The following COLGALT1 variants were observed in gnomAD, a reference collection of about 807,000 sequenced individuals.
COLGALT1 encodes the protein procollagen galactosyltransferase 1.
In COLGALT1, 43 loss-of-function variants were observed where a neutral mutation model predicts 60.8. The observed-to-expected ratio is 0.71, with a 90% CI of 0.55 to 0.91. The LOEUF (loss-of-function observed/expected upper bound fraction) is 0.91, where lower values mean the gene tolerates loss of function less well. Among genes scored for constraint, COLGALT1 ranks in the 40% least tolerant of loss-of-function variants. COLGALT1 has a pLI of 0.00. For missense variants in COLGALT1, 845 were observed against 880.0 expected, an observed-to-expected ratio of 0.96 and a Z score of 0.50; for synonymous variants, 369 against 374.2, an observed-to-expected ratio of 0.99 and a Z score of 0.16.
chr19:17,568,444 C>T, intron 4 of COLGALT1, 65 bp from the exon 5 acceptor site: 1 of 1,397,096 alleles, frequency 7.2e-7, no homozygotes, highest in South Asian at 1.2e-5. Flanking sequence ...ATGCCGCCCA[C>T]TATCACGGGT....
chr19:17,577,867 C>T, intron 8 of COLGALT1, 90 bp from the exon 9 acceptor site: 2 of 1,513,952 alleles, frequency 1.3e-6, no homozygotes, highest in Admixed American at 3.9e-5. Flanking sequence ...ACCAGCTGCT[C>T]AACGCCGCAG....
intron 6 of COLGALT1, among the ~76,000 whole-genome samples, chr19:17,576,473 G>T (rs1039890406): frequency 6.6e-6 from 1 of 152,026 alleles, no homozygotes; most frequent in East Asian, 1.9e-4. Flanking sequence ...GTGGGGCTGG[G>T]GGGTAGAGTG....
chr19:17,557,187 T>G (rs946466162), intron 1 of COLGALT1, among the ~76,000 whole-genome samples: 1 of 152,218 alleles, frequency 6.6e-6, no homozygotes, highest in Non-Finnish European at 1.5e-5. Context: ...AAATACACAA[T>G]TGGTACTTAA....
At chr19:17,570,055 C>T (rs930272032) in intron 5 of COLGALT1, among the ~76,000 whole-genome samples, 2 of 151,998 alleles carry the variant, frequency 1.3e-5, no homozygotes, top group South Asian at 2.1e-4. Flanking sequence ...CCACCAGGCC[C>T]GGCTAATTTT....
chr19:17,566,457 C>A (rs190024701), intron 3 of COLGALT1, among the ~76,000 whole-genome samples: 3 of 152,096 alleles, frequency 2.0e-5, no homozygotes, highest in African/African-American at 7.2e-5. Context: ...ACGTCCGGAC[C>A]TAATCATTTT....
At chr19:17,564,296 T>C (rs1406558944) in intron 3 of COLGALT1, among the ~76,000 whole-genome samples, 2 of 120,326 alleles carry the variant, frequency 1.7e-5, no homozygotes, top group Non-Finnish European at 3.8e-5. Flanking sequence ...CGTGTGTGTA[T>C]ACATATATAC....
At chr19:17,563,560 A>G (rs2076261840) in intron 3 of COLGALT1, among the ~76,000 whole-genome samples, 2 of 152,160 alleles carry the variant, frequency 1.3e-5, no homozygotes, top group Admixed American at 1.3e-4. Context: ...CGTGTTGGCC[A>G]GCATGGTCTC....
intron 3 of COLGALT1, 91 bp downstream of exon 3, chr19:17,560,556 A>G: frequency 9.6e-7 from 1 of 1,044,514 alleles, no homozygotes; most frequent in Non-Finnish European, 1.5e-6. Context: ...ACCATCCTTA[A>G]TGTTGTTTTG....
At chr19:17,567,571 T>TG in intron 4 of COLGALT1, 31 bp downstream of exon 4, 1 of 1,604,242 alleles carries the variant, frequency 6.2e-7, no homozygotes, top group Non-Finnish European at 8.5e-7. Context: ...CTGTGGGGAC[T>TG]GGGCTGAGCA....
rs10402189 is a variant in COLGALT1, at chr19:17,581,843, T to G, written c.*399T>G. The G allele has an allele frequency of 0.037, 7,495 of 204,802 alleles. 553 individuals carry two copies. The highest frequency in any genetic ancestry group is 0.16 in the African/African-American group (6,803 of 43,506). 12.7% of individuals were successfully genotyped at this position (204,802 alleles called of 1,614,324 possible). On this transcript the variant is annotated 3_prime_UTR_variant, in exon 12 of 12. Transcript: ENST00000252599. ...TCAGGCACTAGTGATACACATTCATTTTTAAAATTCATTCAAGGATTTATT... is the reference window on the plus strand; with the variant it reads ...TCAGGCACTAGTGATACACATTCATGTTTAAAATTCATTCAAGGATTTATT...
rs568261637 is a variant in COLGALT1, at chr19:17,581,311, A to G, written c.1736A>G (p.Asn579Ser). The G allele has an allele frequency of 5.3e-5, 85 of 1,613,402 alleles. 2 individuals are homozygous for G. The South Asian group carries it at 8.5e-4, about 16-fold the overall frequency. The part of the protein sequence containing the change: ...SDTETSVVWN[N>S]EHVKTDWDRA... ...ACCGAGACCTCAGTCGTATGGAACA[A>G]TGAGCACGTCAAGACCGACTGGGAC... The change falls in exon 12 of 12, where the codon AAT becomes AGT. Residue 579 changes from asparagine (N) to serine (S), a missense_variant. Transcript: ENST00000252599.
intron 1 of COLGALT1, among the ~76,000 whole-genome samples, chr19:17,557,956 A>G (rs766551451): frequency 1.6e-4 from 25 of 151,576 alleles, no homozygotes; most frequent in South Asian, 2.1e-4. Flanking sequence ...TTATTTTTTG[A>G]GACTGAGTCT....
In COLGALT1 at chr19:17,555,942, C is replaced by T; in HGVS notation, c.229C>T (p.Leu77=). The T allele has an allele frequency of 2.2e-6, 3 of 1,389,216 alleles. No homozygotes were observed. The highest frequency in any genetic ancestry group is 1.5e-5 in the South Asian group (1 of 66,966). 86.1% of individuals were successfully genotyped at this position (1,389,216 alleles called of 1,614,324 possible). A position where few individuals can be genotyped will look rare whatever the true frequency, so the allele number is the denominator to read the frequency against. Residue 77 remains leucine, a synonymous_variant, in exon 1 of 12, where the codon CTG becomes TTG. Coordinates refer to ENST00000252599, the MANE Select transcript of COLGALT1 (RefSeq NM_024656.4). ...LPTTLGALER[L]RHPRERTALW... is the part of the protein sequence containing the mutation. Reference sequence around the variant, plus strand: ...CACCACGCTGGGCGCACTCGAGCGGCTGCGGCACCCGCGGGAGCGCACGGC... The same window carrying T: ...CACCACGCTGGGCGCACTCGAGCGGTTGCGGCACCCGCGGGAGCGCACGGC...
At chr19:17,567,611 C>T (rs2076287295) in intron 4 of COLGALT1, 71 bp downstream of exon 4, 14 of 1,523,008 alleles carry the variant, frequency 9.2e-6, no homozygotes, top group Non-Finnish European at 1.3e-5. Context: ...GTGTAACTTA[C>T]TGTCACACAA....
intron 4 of COLGALT1, 109 bp from the exon 5 acceptor site, chr19:17,568,400 C>A: frequency 1.0e-6 from 1 of 960,984 alleles, no homozygotes; most frequent in Non-Finnish European, 1.7e-6. Flanking sequence ...CAGGCGCACA[C>A]TGCTGTGCCT....
chr19:17,574,252 G>A (rs2076328373), intron 6 of COLGALT1, among the ~76,000 whole-genome samples: 1 of 152,094 alleles, frequency 6.6e-6, no homozygotes, highest in Admixed American at 6.6e-5. Flanking sequence ...CAGCCTTACC[G>A]ATTTCTGAAC....
At position 17,572,499 on chromosome 19, in the gene COLGALT1, G is replaced by A. The variant is rs368127730; in HGVS notation, c.846G>A (p.Val282=). ...CCACTGCAGAGGTTCAGATGTATGT[G>A]TGCAACAAGGAGGAGTACGGATTCT... The part of the protein sequence containing the change: ...SCKQAEVQMY[V]CNKEEYGFLP... The change falls in exon 6 of 12, where the codon GTG becomes GTA. Residue 282 remains valine, a synonymous_variant. Transcript: ENST00000252599. 12 of 1,614,128 alleles carry A rather than the reference G, an allele frequency of 7.4e-6. No homozygotes were observed. In the African/African-American group the frequency reaches 1.6e-4, roughly 22 times the overall value.
At chr19:17,564,733 T>C (rs2076270686) in intron 3 of COLGALT1, among the ~76,000 whole-genome samples, 1 of 152,152 alleles carries the variant, frequency 6.6e-6, no homozygotes, top group Non-Finnish European at 1.5e-5. Context: ...TAAATTTTAA[T>C]TGTATCTCCT....
At chr19:17,557,344 C>T (rs1338333508) in intron 1 of COLGALT1, among the ~76,000 whole-genome samples, 2 of 152,164 alleles carry the variant, frequency 1.3e-5, no homozygotes, top group Non-Finnish European at 2.9e-5. Context: ...CTCTGTCGCC[C>T]AGGCTGGAGT....
Sources: allele counts gnomAD v4.1 joint callset (sites outside exome capture counted in the v4.1 genomes callset), GRCh38; gene constraint gnomAD v4.1.1; transcripts MANE v1.5; gene names NCBI Gene and HGNC (gene_info 2026-07-23, HGNC 2026-07-21).